Variants in LGMN observed in about 807,000 individuals in gnomAD.
LGMN encodes the protein legumain, also known as asparaginyl endopeptidase.
In LGMN, 36 loss-of-function variants were observed where a neutral mutation model predicts 56.8. That is an observed-to-expected ratio of 0.63 (90% CI 0.49 to 0.84). The LOEUF (loss-of-function observed/expected upper bound fraction) is 0.84, where lower values mean the gene tolerates loss of function less well. Among genes scored for constraint, LGMN ranks in the 40% least tolerant of loss-of-function variants. The pLI is 0.00. For missense variants in LGMN, 446 were observed against 556.1 expected (o/e 0.80, Z 1.99); for synonymous variants, 199 against 210.1 (o/e 0.95, Z 0.46).
At position 92,704,705 on chromosome 14, in the gene LGMN, G is replaced by A. The variant is rs750968260; in HGVS notation, c.1194C>T (p.Tyr398=). The change falls in exon 13 of 14, where the codon TAC becomes TAT. Residue 398 remains tyrosine, a splice_region_variant and synonymous_variant. Coordinates refer to ENST00000334869, the MANE Select transcript of LGMN (RefSeq NM_005606.7). ...CGTACAAATGTCTCAACGCATACTC[G>A]TACTGGGAGAAAACAAACGAGAAGA... is the stretch of plus-strand genomic sequence containing the variant. ...THCFNWHSPT[Y]EYALRHLYVL... is the part of the protein sequence containing the mutation. 26 of 1,611,968 alleles carry A rather than the reference G, an allele frequency of 1.6e-5. No homozygotes were observed. Among genetic ancestry groups the A allele is most frequent in the South Asian group, 9.9e-5 (9 of 91,046 alleles).
intron 2 of LGMN, 163 bp downstream of exon 2, chr14:92,732,486 G>A (rs1789941261): frequency 4.1e-6 from 3 of 726,588 alleles, no homozygotes; most frequent in South Asian, 1.8e-5. Context: ...AACATATGAG[G>A]GTTCTGATTT....
intron 2 of LGMN, among the ~76,000 whole-genome samples, chr14:92,719,230 GCCACCGCCA>G (rs1566923959): frequency 6.5e-4 from 15 of 22,908 alleles, no homozygotes; most frequent in East Asian, 1.7e-3. Context: ...CACCACCACC[GCCACCGCCA>G]CCACCGCCAC....
chr14:92,719,311 A>ACCG (rs1212696403), intron 2 of LGMN, among the ~76,000 whole-genome samples: 7 of 77,278 alleles, frequency 9.1e-5, no homozygotes, highest in African/African-American at 2.0e-4. Context: ...CACCGCCGCC[A>ACCG]CCGCCGCCGC....
At chr14:92,710,914 C>G (rs989593149) in intron 10 of LGMN, among the ~76,000 whole-genome samples, 16 of 152,324 alleles carry the variant, frequency 1.1e-4, no homozygotes, top group African/African-American at 2.9e-4. Context: ...AAGGGCTAAC[C>G]ATGGCTGGAT....
At chr14:92,704,564 T>C in intron 13 of LGMN, 76 bp downstream of exon 13, 1 of 1,314,600 alleles carries the variant, frequency 7.6e-7, no homozygotes, top group South Asian at 1.2e-5. Context: ...AAATGCCCAC[T>C]TGCAGAAGAG....
chr14:92,736,295 T>C (rs1891303112), intron 1 of LGMN, among the ~76,000 whole-genome samples: 1 of 152,086 alleles, frequency 6.6e-6, no homozygotes, highest in African/African-American at 2.4e-5. Flanking sequence ...TATGTTATTA[T>C]CTTTAAGGTG....
At position 92,704,365 on chromosome 14, in the gene LGMN, C is replaced by T. The variant is rs1014078967; in HGVS notation, c.1260-4G>A. On this transcript the variant is annotated splice_region_variant and splice_polypyrimidine_tract_variant and intron_variant, in intron 13 of 13. Transcript: ENST00000334869. ...GTGGTCCATGGACAATTTTATCCTG[C>T]GAGAGACAGGAAGGAGAACTTGGTG... is the stretch of plus-strand genomic sequence containing the variant. 4 of 1,597,642 alleles carry T rather than the reference C, an allele frequency of 2.5e-6. No homozygotes were observed. Among genetic ancestry groups the T allele is most frequent in the South Asian group, 1.1e-5 (1 of 90,368 alleles).
chr14:92,713,810 AG>A lies in LGMN; in HGVS notation c.543+12del. ...CCCCCGCCCCCACAAGGCTGCCCCA[AG>A]GGCTGAATTACCTTTCGGTACATTT... On this transcript the variant is annotated intron_variant, in intron 7 of 13. Coordinates refer to ENST00000334869, the MANE Select transcript of LGMN (RefSeq NM_005606.7). 1 of 1,604,220 alleles carries A rather than the reference AG, an allele frequency of 6.2e-7. No individual in the cohort carries two copies. The highest frequency in any genetic ancestry group is 8.5e-7 in the Non-Finnish European group (1 of 1,171,048).
rs375448202 is a variant in LGMN, at chr14:92,704,620, G to A, written c.1259+20C>T. 2.7e-5 allele frequency: 43 copies of A among 1,596,202 alleles called. No homozygotes were observed. In the Middle Eastern group the frequency reaches 5.0e-4, roughly 18 times the overall value. On this transcript the variant is annotated intron_variant, in intron 13 of 13. Coordinates refer to ENST00000334869, the MANE Select transcript of LGMN (RefSeq NM_005606.7). Reference sequence around the variant, plus strand: ...TCAGAATGACATCGACCTTTCAAGCGTCACCGCTGCATTAGTTACCTGTGA... The same window carrying A: ...TCAGAATGACATCGACCTTTCAAGCATCACCGCTGCATTAGTTACCTGTGA...
At chr14:92,725,612 G>A (rs1890703920) in intron 2 of LGMN, among the ~76,000 whole-genome samples, 1 of 151,346 alleles carries the variant, frequency 6.6e-6, no homozygotes, top group African/African-American at 2.4e-5. Context: ...GTCTCACTCT[G>A]TCACCCAGGC....
chr14:92,716,350 T>C (rs1367400147), intron 4 of LGMN, 129 bp from the exon 5 acceptor site: 1 of 732,678 alleles, frequency 1.4e-6, no homozygotes, highest in Non-Finnish European at 2.5e-6. Context: ...CAAACACTTT[T>C]GGTCGGGTGC....
At chr14:92,708,789 G>A (rs865854575) in intron 11 of LGMN, among the ~76,000 whole-genome samples, 4 of 144,550 alleles carry the variant, frequency 2.8e-5, no homozygotes, top group African/African-American at 7.8e-5. Context: ...CCCAGGAGGC[G>A]GAGGTTGCAG....
chr14:92,717,884 T>C (rs1787286799), intron 3 of LGMN, among the ~76,000 whole-genome samples: 1 of 152,188 alleles, frequency 6.6e-6, no homozygotes, highest in Non-Finnish European at 1.5e-5. Context: ...GAGCTGAGAA[T>C]GTGACCACAG....
chr14:92,713,268 C>T (rs1484312953), intron 7 of LGMN, among the ~76,000 whole-genome samples: 2 of 151,730 alleles, frequency 1.3e-5, no homozygotes, highest in Non-Finnish European at 2.9e-5. Flanking sequence ...TTAGTAGAGA[C>T]ACGGTCTCAC....
At chr14:92,725,598 CAG>C (rs1028186231) in intron 2 of LGMN, among the ~76,000 whole-genome samples, 1 of 151,250 alleles carries the variant, frequency 6.6e-6, no homozygotes, top group Admixed American at 6.6e-5. Context: ...TTTTTGGAGA[CAG>C]AGTCTCACTC....
intron 1 of LGMN, among the ~76,000 whole-genome samples, chr14:92,745,177 C>T (rs1446168415): frequency 6.6e-6 from 1 of 152,140 alleles, no homozygotes; most frequent in Non-Finnish European, 1.5e-5. Context: ...TCGCTCAATG[C>T]TTAATAACTT....
At position 92,714,574 on chromosome 14, in the gene LGMN, A is replaced by T; in HGVS notation, c.405-123T>A. 1.5e-6 allele frequency: 1 copy of T among 682,268 alleles called. No individual in the cohort carries two copies. The highest frequency in any genetic ancestry group is 2.5e-6 in the Non-Finnish European group (1 of 396,614). The allele number at this position is 682,268 out of a possible 1,614,324, so 42.3% of individuals were successfully genotyped here. A position where few individuals can be genotyped will look rare whatever the true frequency, so the allele number is the denominator to read the frequency against. On this transcript the variant is annotated intron_variant, in intron 5 of 13. Transcript: ENST00000334869. The surrounding 1 kb of genome is among the most constrained non-coding windows in gnomAD (Gnocchi z 5.1). ...GAGTAGAGTTGCCCAACCAGGTTTG[A>T]AGATGAACACAAGGGCCCGGTGCCC...
At position 92,711,829 on chromosome 14, in the gene LGMN, G is replaced by C. The variant is rs1274655465; in HGVS notation, c.729+8C>G. On this transcript the variant is annotated splice_region_variant and intron_variant, in intron 9 of 13. Coordinates refer to ENST00000334869, the MANE Select transcript of LGMN (RefSeq NM_005606.7). ...CCCAGCTGAACAGCCAGCCCCCAAA[G>C]GGCTCACCACGTCCGAATCTTCCAT... is the stretch of plus-strand genomic sequence containing the variant. The C allele has an allele frequency of 6.2e-7, 1 of 1,611,150 alleles. No individual in the cohort carries two copies. Among genetic ancestry groups the C allele is most frequent in the South Asian group, 1.1e-5 (1 of 91,048 alleles).
chr14:92,709,940 GA>G, intron 10 of LGMN, 68 bp from the exon 11 acceptor site: 1 of 1,308,980 alleles, frequency 7.6e-7, no homozygotes, highest in African/African-American at 1.5e-5. Context: ...GCCAGAGAGA[GA>G]GGGAGAGAGA....
Sources: gnomAD v4.1 joint callset for allele counts (sites outside exome capture counted in the v4.1 genomes callset) on GRCh38, gnomAD v4.1.1 for gene constraint, Gnocchi (gnomAD v3.1) non-coding constraint, MANE v1.5 for transcripts, NCBI Gene and HGNC (gene_info 2026-07-23, HGNC 2026-07-21) for gene names.